Variants in ANKFN1 observed in about 807,000 individuals in gnomAD.
The protein encoded by ANKFN1 is ankyrin repeat and fibronectin type-III domain-containing protein 1.
ANKFN1 carries 74 observed loss-of-function variants against 108.7 expected under a neutral mutation model. That is an observed-to-expected ratio of 0.68 (90% CI 0.56 to 0.83). ANKFN1 has a LOEUF of 0.83. Ranked by LOEUF, ANKFN1 falls within the 40% of genes least tolerant of loss-of-function variation. The pLI is 0.00. For missense variants in ANKFN1, 1,505 were observed against 1,382.3 expected (o/e 1.09, Z -1.41); for synonymous variants, 547 against 516.2 (o/e 1.06, Z -0.81).
At chr17:56,238,475 A>G (rs1014569418) in intron 3 of ANKFN1, among the ~76,000 whole-genome samples, 1 of 152,086 alleles carries the variant, frequency 6.6e-6, no homozygotes, top group Non-Finnish European at 1.5e-5. Flanking sequence ...TGTGTTGAGT[A>G]TATATATATT....
chr17:56,480,850 T>G, intron 17 of ANKFN1, 32 bp downstream of exon 17: 1 of 1,605,850 alleles, frequency 6.2e-7, no homozygotes, highest in Non-Finnish European at 8.5e-7. Flanking sequence ...ATCTTCTTTT[T>G]TTATGGCTCA....
At chr17:56,498,208 C>G (rs2051261517) in intron 19 of ANKFN1, among the ~76,000 whole-genome samples, 1 of 152,080 alleles carries the variant, frequency 6.6e-6, no homozygotes, top group Non-Finnish European at 1.5e-5. Context: ...AGCCCTTACT[C>G]TATATGTAAG....
At chr17:56,349,632 T>A (rs1018350125) in intron 4 of ANKFN1, among the ~76,000 whole-genome samples, 1 of 152,122 alleles carries the variant, frequency 6.6e-6, no homozygotes, top group Non-Finnish European at 1.5e-5. Context: ...TATTAGCTAC[T>A]ATGAGTCTTC....
At chr17:56,410,560 G>A (rs1276298766) in intron 8 of ANKFN1, among the ~76,000 whole-genome samples, 5 of 152,040 alleles carry the variant, frequency 3.3e-5, no homozygotes, top group African/African-American at 1.2e-4. Context: ...TTTTCTTTTA[G>A]CAATTTTGAA....
chr17:56,359,151 A>G (rs145575861), intron 6 of ANKFN1, among the ~76,000 whole-genome samples: 1 of 152,328 alleles, frequency 6.6e-6, no homozygotes, highest in African/African-American at 2.4e-5. Context: ...AGCCTTTGTG[A>G]CAGCCTTGTC....
intron 8 of ANKFN1, among the ~76,000 whole-genome samples, chr17:56,437,039 G>T (rs1425144932): frequency 6.6e-6 from 1 of 152,144 alleles, no homozygotes; most frequent in East Asian, 1.9e-4. Flanking sequence ...TTCTAACATG[G>T]AGAATTGTTT....
At chr17:56,171,701 G>C (rs1038401572) in intron 1 of ANKFN1, among the ~76,000 whole-genome samples, 2 of 152,198 alleles carry the variant, frequency 1.3e-5, no homozygotes. Context: ...ACAAGAGGCT[G>C]TCCACAGCTG....
intron 8 of ANKFN1, among the ~76,000 whole-genome samples, chr17:56,433,542 T>G (rs528046664): frequency 6.6e-6 from 1 of 152,156 alleles, no homozygotes. Context: ...CTAGATGAGA[T>G]TGGAGACTAT....
intron 5 of ANKFN1, 54 bp from the exon 6 acceptor site, chr17:56,353,782 A>G: frequency 4.6e-6 from 7 of 1,533,448 alleles, no homozygotes; most frequent in East Asian, 2.3e-5. Context: ...GAGCTAAGCT[A>G]CAAAGACACA....
In ANKFN1 at chr17:56,327,732, G is replaced by A. The variant is rs1181617644; in HGVS notation, c.188+1377G>A. Among the ~76,000 whole-genome samples, 6 of 152,310 alleles carry A rather than the reference G, an allele frequency of 3.9e-5. No homozygotes were observed. In the South Asian group the frequency reaches 6.2e-4, roughly 16 times the overall value. ...GATGTGTCTTTTGGAAATTTCCTTAGCCTCTGTGGATCTCTGTTCTGCCAT... is the reference window on the plus strand; with the variant it reads ...GATGTGTCTTTTGGAAATTTCCTTAACCTCTGTGGATCTCTGTTCTGCCAT... On this transcript the variant is annotated intron_variant, in intron 4 of 20. Coordinates refer to ENST00000682825, the MANE Select transcript of ANKFN1 (RefSeq NM_001370326.1).
chr17:56,434,246 A>T (rs952083695), intron 8 of ANKFN1, among the ~76,000 whole-genome samples: 1 of 152,182 alleles, frequency 6.6e-6, no homozygotes, highest in African/African-American at 2.4e-5. Context: ...AGAGTACACG[A>T]TATATGTAGA....
intron 4 of ANKFN1, among the ~76,000 whole-genome samples, chr17:56,056,809 G>T (rs2143095103): frequency 6.6e-6 from 1 of 152,302 alleles, no homozygotes; most frequent in African/African-American, 2.4e-5. Context: ...CAACAAAAAT[G>T]AAAATAGATA....
intron 6 of ANKFN1, among the ~76,000 whole-genome samples, chr17:56,359,270 A>T (rs1010253001): frequency 2.0e-5 from 3 of 152,182 alleles, no homozygotes; most frequent in African/African-American, 7.2e-5. Flanking sequence ...TGTAGGGAAA[A>T]AAACCTTCAA....
intron 3 of ANKFN1, among the ~76,000 whole-genome samples, chr17:56,286,385 G>A (rs772519942): frequency 6.6e-6 from 1 of 152,152 alleles, no homozygotes; most frequent in South Asian, 2.1e-4. Flanking sequence ...CAGCTCAGAC[G>A]TGCTGGGGAT....
chr17:56,312,844 A>G (rs1380653037), intron 3 of ANKFN1, among the ~76,000 whole-genome samples: 12 of 152,186 alleles, frequency 7.9e-5, no homozygotes, highest in Admixed American at 7.9e-4. Context: ...GTTACAAACT[A>G]TGGTTGGTGC....
chr17:56,073,689 C>T (rs1473739763), intron 4 of ANKFN1, among the ~76,000 whole-genome samples: 3 of 152,192 alleles, frequency 2.0e-5, no homozygotes, highest in Non-Finnish European at 4.4e-5. Flanking sequence ...CCCTTCAGTC[C>T]CTGGTGACCA....
chr17:56,501,707 A>C (rs1258512552), intron 20 of ANKFN1, among the ~76,000 whole-genome samples: 1 of 152,184 alleles, frequency 6.6e-6, no homozygotes, highest in African/African-American at 2.4e-5. Flanking sequence ...TGGAAAGAGG[A>C]GGTAGAATAA....
intron 17 of ANKFN1, among the ~76,000 whole-genome samples, chr17:56,481,903 T>C (rs1332925846): frequency 6.6e-6 from 1 of 152,124 alleles, no homozygotes. Flanking sequence ...GGGCTACATA[T>C]ACATGTTGGG....
At chr17:56,194,815 T>C (rs773244910) in intron 1 of ANKFN1, among the ~76,000 whole-genome samples, 21 of 152,152 alleles carry the variant, frequency 1.4e-4, no homozygotes, top group Middle Eastern at 3.2e-3. Flanking sequence ...GCTAGGCAGG[T>C]GTGTGGGCAG....
Sources: allele counts gnomAD v4.1 joint callset (sites outside exome capture counted in the v4.1 genomes callset), GRCh38; gene constraint gnomAD v4.1.1; transcripts MANE v1.5; gene names NCBI Gene and HGNC (gene_info 2026-07-23, HGNC 2026-07-21).